QNG1: variants seen among roughly 807,000 people sequenced by gnomAD.
The protein encoded by QNG1 is Q-nucleotide N-glycosylase 1.
the QNG1 span, among the ~76,000 whole-genome samples, chr9:83,950,574 G>T: frequency 6.7e-6 from 1 of 148,284 alleles, no homozygotes; most frequent in African/African-American, 2.5e-5. Context: ...ATGACCATGA[G>T]TTAATTTTTT....
chr9:83,943,128 T>C, the QNG1 span, among the ~76,000 whole-genome samples: 7 of 151,406 alleles, frequency 4.6e-5, no homozygotes, highest in African/African-American at 1.7e-4. Flanking sequence ...GATCATGAGG[T>C]CAGGAGTTCA....
the QNG1 span, among the ~76,000 whole-genome samples, chr9:83,940,689 T>C: frequency 6.6e-6 from 1 of 152,184 alleles, no homozygotes; most frequent in Admixed American, 6.5e-5. Context: ...CTCCTAATTT[T>C]CAAGTGTTGG....
the QNG1 span, among the ~76,000 whole-genome samples, chr9:83,950,175 G>C: frequency 6.0e-3 from 905 of 151,378 alleles, 8 homozygotes; most frequent in African/African-American, 0.021. Flanking sequence ...TTAGCCTCCC[G>C]AGTAGCTGGG....
At chr9:83,956,249 C>A in the QNG1 span, 4 of 1,614,124 alleles carry the variant, frequency 2.5e-6, no homozygotes, top group Middle Eastern at 1.6e-4. Context: ...CACACTTGTG[C>A]TCGTCCTGCT....
the QNG1 span, chr9:83,956,589 G>T: frequency 8.9e-7 from 1 of 1,125,082 alleles, no homozygotes. Flanking sequence ...CGAACCGCGC[G>T]ATCACAGGGC....
chr9:83,955,335 T>G, the QNG1 span: 2 of 1,585,966 alleles, frequency 1.3e-6, no homozygotes, highest in South Asian at 2.3e-5. Context: ...AAGAGTTAAC[T>G]CTGAGATGAT....
chr9:83,955,561 G>C, the QNG1 span: 1 of 1,614,168 alleles, frequency 6.2e-7, no homozygotes, highest in Non-Finnish European at 8.5e-7. Flanking sequence ...GCATGGAAAC[G>C]TCTGTGTCAG....
chr9:83,939,478 G>A, the QNG1 span: 43 of 1,407,908 alleles, frequency 3.1e-5, 1 homozygote, highest in South Asian at 4.8e-4. Context: ...ATAAAACGCA[G>A]GGGGTTTTCT....
the QNG1 span, chr9:83,953,847 T>C: frequency 6.5e-7 from 1 of 1,533,954 alleles, no homozygotes; most frequent in South Asian, 1.2e-5. Flanking sequence ...AAGTACACTG[T>C]GTATGAAAAA....
At chr9:83,943,889 C>T in the QNG1 span, among the ~76,000 whole-genome samples, 4 of 152,042 alleles carry the variant, frequency 2.6e-5, no homozygotes, top group East Asian at 3.9e-4. Context: ...GGTGTGGTGG[C>T]GGGCGCCTGT....
chr9:83,947,313 G>T, the QNG1 span, among the ~76,000 whole-genome samples: 1 of 151,836 alleles, frequency 6.6e-6, no homozygotes, highest in East Asian at 1.9e-4. Context: ...TTAAGGAAAG[G>T]CTCTATATAA....
the QNG1 span, chr9:83,956,824 G>A: frequency 3.3e-5 from 9 of 273,268 alleles, no homozygotes; most frequent in Non-Finnish European, 6.2e-5. Context: ...ACTGCTAAGG[G>A]TCCGGCGTTC....
the QNG1 span, among the ~76,000 whole-genome samples, chr9:83,946,122 T>C: frequency 1.2e-3 from 182 of 151,586 alleles, 1 homozygote; most frequent in Non-Finnish European, 1.8e-3. Context: ...CTGGCCCATA[T>C]GGTAATACCC....
chr9:83,941,124 G>A, the QNG1 span, among the ~76,000 whole-genome samples: 2 of 152,216 alleles, frequency 1.3e-5, no homozygotes, highest in Non-Finnish European at 2.9e-5. Flanking sequence ...CGGCTGGACT[G>A]TAACCTTGAG....
the QNG1 span, among the ~76,000 whole-genome samples, chr9:83,955,062 G>C: frequency 6.7e-6 from 1 of 150,306 alleles, no homozygotes; most frequent in East Asian, 2.0e-4. Context: ...AGCCGGGCTT[G>C]GTGGCGCATC....
chr9:83,943,568 G>A, the QNG1 span, among the ~76,000 whole-genome samples: 70 of 152,238 alleles, frequency 4.6e-4, 1 homozygote, highest in East Asian at 0.012. Flanking sequence ...TTTCAAATGA[G>A]GAAATGGAAG....
chr9:83,944,756 A>G, the QNG1 span: 2 of 1,493,436 alleles, frequency 1.3e-6, 1 homozygote, highest in South Asian at 2.5e-5. Flanking sequence ...AGATCCAACA[A>G]TTCATAGTAT....
the QNG1 span, among the ~76,000 whole-genome samples, chr9:83,951,692 T>C: frequency 3.3e-5 from 5 of 152,242 alleles, no homozygotes; most frequent in African/African-American, 7.2e-5. Context: ...ATTTGCTAAT[T>C]AGAACTTTTA....
the QNG1 span, among the ~76,000 whole-genome samples, chr9:83,943,893 C>T: frequency 6.6e-6 from 1 of 152,016 alleles, no homozygotes; most frequent in Admixed American, 6.6e-5. Flanking sequence ...TGGTGGCGGG[C>T]GCCTGTAGTC....
Sources: allele counts gnomAD v4.1 joint callset (sites outside exome capture counted in the v4.1 genomes callset), GRCh38; gene constraint gnomAD v4.1.1; transcripts MANE v1.5; gene names NCBI Gene and HGNC (gene_info 2026-07-23, HGNC 2026-07-21).